The following MYO5A variants were observed in gnomAD, a reference collection of about 807,000 sequenced individuals.
MYO5A encodes unconventional myosin-Va.
Under a neutral mutation model 249.7 loss-of-function variants are expected in MYO5A, and 98 were observed. The ratio of observed to expected loss-of-function variants is 0.39; its 90% CI spans 0.33 to 0.46. The LOEUF (loss-of-function observed/expected upper bound fraction) is 0.46, where lower values mean the gene tolerates loss of function less well. MYO5A is among the 20% of genes least tolerant of loss of function. MYO5A has a pLI of 0.98. For missense variants in MYO5A, 1,696 were observed against 2,308.8 expected (o/e 0.73, Z 5.44); for synonymous variants, 778 against 810.6 (o/e 0.96, Z 0.68).
intron 1 of MYO5A, among the ~76,000 whole-genome samples, chr15:52,446,561 T>C (rs1397472857): frequency 6.6e-6 from 1 of 152,164 alleles, no homozygotes; most frequent in African/African-American, 2.4e-5. Flanking sequence ...CAAGGGGGCA[T>C]TGCCTAGTGG....
At chr15:52,377,813 C>A (rs1001761075) in intron 18 of MYO5A, among the ~76,000 whole-genome samples, 4 of 151,988 alleles carry the variant, frequency 2.6e-5, no homozygotes, top group Admixed American at 2.6e-4. Flanking sequence ...TCAAGCAGTC[C>A]GCCCGCCACG....
intron 24 of MYO5A, among the ~76,000 whole-genome samples, chr15:52,363,330 G>C (rs1188700283): frequency 4.6e-5 from 7 of 152,200 alleles, no homozygotes; most frequent in Non-Finnish European, 5.9e-5. Flanking sequence ...AGCTTAACAA[G>C]GGTCTTTAGA....
intron 1 of MYO5A, among the ~76,000 whole-genome samples, chr15:52,459,567 C>T (rs1473714416): frequency 6.6e-6 from 1 of 152,248 alleles, no homozygotes; most frequent in Non-Finnish European, 1.5e-5. Flanking sequence ...ATGTCTACTT[C>T]TTTCTACACA....
At chr15:52,478,684 T>C (rs1320738961) in intron 1 of MYO5A, among the ~76,000 whole-genome samples, 4 of 152,228 alleles carry the variant, frequency 2.6e-5, no homozygotes, top group African/African-American at 7.2e-5. Flanking sequence ...AGGTTTACTG[T>C]ATTGCACTAA....
intron 34 of MYO5A, among the ~76,000 whole-genome samples, chr15:52,331,220 A>G (rs2038871940): frequency 6.6e-6 from 1 of 152,166 alleles, no homozygotes. Flanking sequence ...TATAATGTTA[A>G]AAATTCTACT....
chr15:52,410,118 A>C (rs907554562), intron 6 of MYO5A, among the ~76,000 whole-genome samples: 1 of 152,220 alleles, frequency 6.6e-6, no homozygotes, highest in African/African-American at 2.4e-5. Flanking sequence ...AGTCAAACCT[A>C]AAAGTGACCA....
Position 52,481,538 on chromosome 15 carries a change from C to A in MYO5A, c.27+47242G>T, listed in dbSNP as rs549082973. Reference sequence around the variant, plus strand: ...TGTGATGGAGGAATGTACAAGGTGCCATGGGAGCCCAGTGGAGTTTGCAAA... The same window carrying A: ...TGTGATGGAGGAATGTACAAGGTGCAATGGGAGCCCAGTGGAGTTTGCAAA... On this transcript the variant is annotated intron_variant, in intron 1 of 41. Transcript: ENST00000399233. Among the ~76,000 whole-genome samples the A allele has an allele frequency of 7.9e-5, 12 of 152,308 alleles. No homozygotes were observed. The South Asian group carries it at 2.5e-3, about 32-fold the overall frequency.
chr15:52,409,206 G>C (rs553142441), intron 6 of MYO5A, among the ~76,000 whole-genome samples: 1 of 152,020 alleles, frequency 6.6e-6, no homozygotes, highest in African/African-American at 2.4e-5. Context: ...CTTTGGTCAC[G>C]TACTGACCAA....
chr15:52,426,512 G>A (rs2075397548), intron 3 of MYO5A, among the ~76,000 whole-genome samples: 1 of 152,126 alleles, frequency 6.6e-6, no homozygotes, highest in African/African-American at 2.4e-5. Context: ...ACCCAAGCTG[G>A]AGTGCAATGT....
At chr15:52,404,496 T>C (rs1595609979) in intron 9 of MYO5A, among the ~76,000 whole-genome samples, 2 of 152,254 alleles carry the variant, frequency 1.3e-5, no homozygotes, top group Middle Eastern at 3.4e-3. Context: ...ATAAACACCA[T>C]TTAAATTAAG....
In MYO5A at chr15:52,360,024, C is replaced by A; in HGVS notation, c.3367G>T (p.Glu1123Ter). Residue 1123 changes from glutamate (E) to a stop codon, truncating the protein, a stop_gained, in exon 25 of 42, where the codon GAA becomes TAA. Transcript: ENST00000399233. LOFTEE classifies it high-confidence loss of function. Reference protein sequence around the residue: ...TDSTHSSNESEYIFSSEIAEM... With the variant: ...TDSTHSSNES The stretch of plus-strand genomic sequence containing the variant: ...GCAATTTCAGAGCTAAAGATATATT[C>A]AGACTCGTTGCTGCTGTGGGTGGAG... 2 of 1,613,756 alleles carry A rather than the reference C, an allele frequency of 1.2e-6. No individual in the cohort carries two copies. The highest frequency in any genetic ancestry group is 2.2e-5 in the South Asian group (2 of 91,030).
chr15:52,328,881 C>T (rs2038738613), intron 35 of MYO5A, among the ~76,000 whole-genome samples: 1 of 152,150 alleles, frequency 6.6e-6, no homozygotes, highest in Non-Finnish European at 1.5e-5. Flanking sequence ...TGTTTTTCTG[C>T]CTTGAATGTT....
At chr15:52,324,793 T>G (rs925533016) in intron 36 of MYO5A, among the ~76,000 whole-genome samples, 1 of 152,064 alleles carries the variant, frequency 6.6e-6, no homozygotes, top group Admixed American at 6.6e-5. Context: ...AAAACGCCCT[T>G]AAATTTTGTA....
chr15:52,432,838 C>G (rs1307911777), intron 2 of MYO5A, among the ~76,000 whole-genome samples: 1 of 152,146 alleles, frequency 6.6e-6, no homozygotes, highest in East Asian at 1.9e-4. Context: ...AGACCTGGCA[C>G]CATGCCTCTT....
chr15:52,359,385 A>G (rs1443667801), intron 25 of MYO5A, among the ~76,000 whole-genome samples: 1 of 152,238 alleles, frequency 6.6e-6, no homozygotes, highest in Non-Finnish European at 1.5e-5. Flanking sequence ...AGTTACAGTA[A>G]TACATCATTT....
chr15:52,451,599 C>G (rs576241291), intron 1 of MYO5A, among the ~76,000 whole-genome samples: 1 of 152,316 alleles, frequency 6.6e-6, no homozygotes, highest in South Asian at 2.1e-4. Flanking sequence ...TTCCCTACTA[C>G]CTCACTGCTT....
intron 25 of MYO5A, among the ~76,000 whole-genome samples, chr15:52,356,287 A>G (rs574190917): frequency 7.2e-5 from 11 of 152,276 alleles, no homozygotes; most frequent in Admixed American, 2.6e-4. Flanking sequence ...TGATATGAGA[A>G]CAGAATAAGC....
intron 1 of MYO5A, among the ~76,000 whole-genome samples, chr15:52,508,486 T>G (rs1380741310): frequency 1.3e-5 from 2 of 152,168 alleles, no homozygotes; most frequent in African/African-American, 2.4e-5. Context: ...AATATACATC[T>G]ATATTAGTCC....
At chr15:52,470,311 G>A (rs1303478189) in intron 1 of MYO5A, among the ~76,000 whole-genome samples, 1 of 152,120 alleles carries the variant, frequency 6.6e-6, no homozygotes, top group African/African-American at 2.4e-5. Flanking sequence ...GAATTCATAG[G>A]GTTCTAGGTG....
Sources: allele counts gnomAD v4.1 joint callset (sites outside exome capture counted in the v4.1 genomes callset), GRCh38; gene constraint gnomAD v4.1.1; transcripts MANE v1.5; gene names NCBI Gene and HGNC (gene_info 2026-07-23, HGNC 2026-07-21).